The following NSUN3 variants were observed in gnomAD, a reference collection of about 807,000 sequenced individuals.
NSUN3 encodes the protein tRNA (cytosine(34)-C(5))-methyltransferase, mitochondrial.
Under a neutral mutation model 36.8 loss-of-function variants are expected in NSUN3, and 24 were observed. The ratio of observed to expected loss-of-function variants is 0.65; its 90% confidence interval spans 0.47 to 0.92. NSUN3 has a LOEUF of 0.92. Ranked by LOEUF, NSUN3 falls within the 40% of genes least tolerant of loss-of-function variation. The pLI, the probability that NSUN3 is intolerant of heterozygous loss-of-function variation, is 0.00. For synonymous variants in NSUN3, 146 were observed against 145.2 expected, an observed-to-expected ratio of 1.01 and a Z score of -0.04; for missense variants, 381 against 392.8, an observed-to-expected ratio of 0.97 and a Z score of 0.25.
intron 3 of NSUN3, chr3:94,084,922 T>G (rs2077285649): frequency 6.6e-6 from 1 of 152,406 alleles, no homozygotes; most frequent in African/African-American, 2.4e-5. Context: ...TAGTTCCATT[T>G]TAAAAAGTAG....
chr3:94,094,954 A>G, intron 4 of NSUN3, 79 bp from the exon 5 acceptor site: 1 of 1,419,188 alleles, frequency 7.0e-7, no homozygotes, highest in East Asian at 2.3e-5. Flanking sequence ...ACCATGTTTT[A>G]GAGAACTTCT....
intron 2 of NSUN3, chr3:94,081,557 A>G (rs2077269177): frequency 6.6e-6 from 1 of 152,230 alleles, no homozygotes; most frequent in Admixed American, 6.5e-5. Flanking sequence ...GTGTGCTTGT[A>G]CATGTGGTAT....
intron 2 of NSUN3, among the ~76,000 whole-genome samples, chr3:94,069,560 T>G (rs1005781425): frequency 2.6e-5 from 4 of 152,170 alleles, no homozygotes; most frequent in African/African-American, 9.7e-5. Context: ...TCTTCGTCAC[T>G]AGGACGGAAG....
In NSUN3 at chr3:94,126,856, G is replaced by A. The variant is rs145484202; in HGVS notation, c.*366G>A. On this transcript the variant is annotated 3_prime_UTR_variant, in exon 6 of 6. Transcript: ENST00000314622. ...CCTTCAAAAATTCACATTTTCCAGC[G>A]CTCCGACCATTTTCCCGCTTATCAA... The A allele has an allele frequency of 7.1e-3, 1,167 of 163,296 alleles. 6 individuals are homozygous for A. Among genetic ancestry groups the A allele is most frequent in the Non-Finnish European group, 0.011 (832 of 75,544 alleles). The allele number at this position is 163,296 out of a possible 1,614,324, so 10.1% of individuals were successfully genotyped here.
chr3:94,067,347 A>G (rs1269117461), intron 2 of NSUN3, among the ~76,000 whole-genome samples: 1 of 152,196 alleles, frequency 6.6e-6, no homozygotes, highest in Non-Finnish European at 1.5e-5. Context: ...TTTAATCTGT[A>G]TGCTTTCATT....
chr3:94,124,619 AG>A (rs2077477757), intron 5 of NSUN3, among the ~76,000 whole-genome samples: 2 of 152,184 alleles, frequency 1.3e-5, no homozygotes, highest in South Asian at 4.1e-4. Context: ...ATATTCCATT[AG>A]GGCCCACTTT....
chr3:94,067,569 C>G (rs2077210279), intron 2 of NSUN3, among the ~76,000 whole-genome samples: 1 of 152,174 alleles, frequency 6.6e-6, no homozygotes, highest in Non-Finnish European at 1.5e-5. Context: ...TCACTTAGAC[C>G]TTCCCAATCT....
Position 94,130,423 on chromosome 3 carries a change from G to C in NSUN3, c.*3933G>C, listed in dbSNP as rs2077505101. Reference sequence around the variant, plus strand: ...TGCATAATGTCTGCATTTTTCCATTGATTGGAGTGCATCCTTAGAAAACTG... The same window carrying C: ...TGCATAATGTCTGCATTTTTCCATTCATTGGAGTGCATCCTTAGAAAACTG... On this transcript the variant is annotated 3_prime_UTR_variant, in exon 6 of 6. Coordinates refer to ENST00000314622, the MANE Select transcript of NSUN3 (RefSeq NM_022072.5). 2.0e-5 allele frequency among the ~76,000 whole-genome samples: 3 copies of C among 152,152 alleles called. No homozygotes were observed. The highest frequency in any genetic ancestry group is 7.2e-5 in the African/African-American group (3 of 41,424).
chr3:94,072,626 A>G (rs2077228584), intron 2 of NSUN3, among the ~76,000 whole-genome samples: 1 of 152,152 alleles, frequency 6.6e-6, no homozygotes, highest in Non-Finnish European at 1.5e-5. Context: ...TGTGGAGATC[A>G]GTAAATTTTA....
chr3:94,067,977 C>T (rs976521470), intron 2 of NSUN3, among the ~76,000 whole-genome samples: 1 of 152,054 alleles, frequency 6.6e-6, no homozygotes. Context: ...TCTTTCTGGG[C>T]AGGCTCCTTC....
rs1337125503 is a variant in NSUN3 at position 94,064,432 on chromosome 3, C to G, written c.13-5C>G. ...TGTGTCAGCAACTTTTTCTTATCGT[C>G]ATAGCTGAAAGCAAAATCAGAGGGG... On this transcript the variant is annotated splice_region_variant and splice_polypyrimidine_tract_variant and intron_variant, in intron 1 of 5. Coordinates refer to ENST00000314622, the MANE Select transcript of NSUN3 (RefSeq NM_022072.5). 7.5e-6 allele frequency: 12 copies of G among 1,596,628 alleles called. No individual in the cohort carries two copies. The highest frequency in any genetic ancestry group is 1.0e-5 in the Non-Finnish European group (12 of 1,164,376).
intron 2 of NSUN3, among the ~76,000 whole-genome samples, chr3:94,080,163 T>C (rs1434279932): frequency 6.6e-6 from 1 of 152,164 alleles, no homozygotes; most frequent in East Asian, 1.9e-4. Flanking sequence ...CTTCTAACAG[T>C]TGGGCCCCTC....
intron 2 of NSUN3, among the ~76,000 whole-genome samples, chr3:94,079,020 T>G (rs2107242832): frequency 6.6e-6 from 1 of 152,318 alleles, no homozygotes; most frequent in South Asian, 2.1e-4. Flanking sequence ...TTCTTCATAG[T>G]GTCGATGGTC....
chr3:94,107,249 T>C (rs1221149267), intron 5 of NSUN3, among the ~76,000 whole-genome samples: 1 of 152,122 alleles, frequency 6.6e-6, no homozygotes, highest in Non-Finnish European at 1.5e-5. Flanking sequence ...ATATTTCTAT[T>C]GCTGTATCAA....
At chr3:94,082,636 A>C (rs2077274305) in intron 2 of NSUN3, among the ~76,000 whole-genome samples, 1 of 152,148 alleles carries the variant, frequency 6.6e-6, no homozygotes, top group Admixed American at 6.5e-5. Context: ...GAATTTATTT[A>C]ATTGACCATA....
rs1283174051 is a variant in NSUN3, at chr3:94,095,153, A to G, written c.742A>G (p.Arg248Gly). The G allele has an allele frequency of 1.9e-6, 3 of 1,613,250 alleles. No homozygotes were observed. The highest frequency in any genetic ancestry group is 2.5e-6 in the Non-Finnish European group (3 of 1,179,398). ...NLPLLQIELLRSAIKALRPGG... is the reference protein window; with the variant it reads ...NLPLLQIELLGSAIKALRPGG... ...GCCTCTTCTACAGATAGAGCTGTTA[A>G]GGTAAGGACTGTTAATACAAAAGTG... The change falls in exon 5 of 6, where the codon AGG (arginine) becomes GGG (glycine). Residue 248 changes from arginine (R) to glycine (G), a missense_variant and splice_region_variant. Transcript: ENST00000314622.
intron 2 of NSUN3, among the ~76,000 whole-genome samples, chr3:94,072,526 G>A (rs1199220545): frequency 6.6e-6 from 1 of 152,190 alleles, no homozygotes; most frequent in African/African-American, 2.4e-5. Flanking sequence ...GTGGTAAGTG[G>A]AAAGACTTCG....
At chr3:94,101,457 C>T (rs1173925916) in intron 5 of NSUN3, among the ~76,000 whole-genome samples, 1 of 151,876 alleles carries the variant, frequency 6.6e-6, no homozygotes, top group Non-Finnish European at 1.5e-5. Flanking sequence ...ACAATGATGA[C>T]AGGAGAAAGA....
intron 2 of NSUN3, among the ~76,000 whole-genome samples, chr3:94,079,888 G>A (rs1256768471): frequency 6.6e-6 from 1 of 151,884 alleles, no homozygotes; most frequent in African/African-American, 2.4e-5. Context: ...CCTTTAGCTT[G>A]GAAGAGTTTG....
Sources: gnomAD v4.1 joint callset for allele counts (sites outside exome capture counted in the v4.1 genomes callset) on GRCh38, gnomAD v4.1.1 for gene constraint, MANE v1.5 for transcripts, NCBI Gene and HGNC (gene_info 2026-07-23, HGNC 2026-07-21) for gene names.